C3orf70: variants seen among roughly 807,000 people sequenced by gnomAD.
C3orf70 encodes the protein chromosome 3 open reading frame 70.
In C3orf70, 15 loss-of-function variants were observed where a neutral mutation model predicts 20.7. The observed-to-expected ratio is 0.72, with a 90% CI of 0.48 to 1.11. C3orf70 has a LOEUF of 1.11. Among genes scored for constraint, C3orf70 ranks in the 50% most tolerant of loss-of-function variants. C3orf70 has a pLI of 0.00. For synonymous variants in C3orf70, 161 were observed against 125.7 expected (o/e 1.28, Z -1.88); for missense variants, 332 against 317.6 (o/e 1.05, Z -0.34).
intron 1 of C3orf70, among the ~76,000 whole-genome samples, chr3:185,128,527 A>G (rs539042390): frequency 2.4e-3 from 267 of 111,988 alleles, no homozygotes; most frequent in African/African-American, 9.0e-3. Flanking sequence ...ACTGTTTCGG[A>G]AAAAAAAAAA....
At chr3:185,130,948 C>T (rs909370268) in intron 1 of C3orf70, among the ~76,000 whole-genome samples, 1 of 152,220 alleles carries the variant, frequency 6.6e-6, no homozygotes, top group Non-Finnish European at 1.5e-5. Flanking sequence ...TTTTTATGGA[C>T]ATATGTTTCA....
intron 1 of C3orf70, among the ~76,000 whole-genome samples, chr3:185,105,510 T>C (rs993148975): frequency 6.6e-6 from 1 of 152,248 alleles, no homozygotes; most frequent in East Asian, 1.9e-4. Flanking sequence ...AGGGATACTT[T>C]CAGTTAAGTT....
intron 1 of C3orf70, among the ~76,000 whole-genome samples, chr3:185,126,532 G>T (rs1250321856): frequency 6.6e-6 from 1 of 152,062 alleles, no homozygotes; most frequent in East Asian, 1.9e-4. Flanking sequence ...AAATACGTGA[G>T]AAATAATATA....
chr3:185,098,589 T>C (rs574852124), intron 1 of C3orf70, among the ~76,000 whole-genome samples: 50 of 152,284 alleles, frequency 3.3e-4, no homozygotes, highest in Non-Finnish European at 8.8e-5. Flanking sequence ...GCAGAAAGCA[T>C]CTCCCTTTAC....
intron 1 of C3orf70, among the ~76,000 whole-genome samples, chr3:185,127,006 A>G (rs887156102): frequency 3.3e-5 from 5 of 152,216 alleles, no homozygotes; most frequent in Non-Finnish European, 5.9e-5. Flanking sequence ...CTGTCTCAGC[A>G]AAGATCTCCA....
At position 185,083,543 on chromosome 3, in the gene C3orf70, T is replaced by C. The variant is rs771820809; in HGVS notation, c.217A>G (p.Met73Val). ...CTTGGAAGCTGTTCCACAGGGGTCATAGGCTGATACATGTATTTGCCTGTG... is the reference window on the plus strand; with the variant it reads ...CTTGGAAGCTGTTCCACAGGGGTCACAGGCTGATACATGTATTTGCCTGTG... ...WCHCKYMYQP[M>V]TPVEQLPSTE... is the part of the protein sequence containing the mutation. Residue 73 changes from methionine (M) to valine (V), a missense_variant, in exon 2 of 2, where the codon ATG becomes GTG. Transcript: ENST00000335012. 10 of 1,603,052 alleles carry C rather than the reference T, an allele frequency of 6.2e-6. No homozygotes were observed. In the South Asian group the frequency reaches 7.9e-5, roughly 13 times the overall value.
chr3:185,127,196 T>G (rs1046070725), intron 1 of C3orf70, among the ~76,000 whole-genome samples: 13 of 152,146 alleles, frequency 8.5e-5, no homozygotes, highest in African/African-American at 2.9e-4. Context: ...AAAAAACTAA[T>G]TCATTTTGAC....
intron 1 of C3orf70, among the ~76,000 whole-genome samples, chr3:185,125,161 C>T (rs963446942): frequency 6.6e-6 from 1 of 152,056 alleles, no homozygotes; most frequent in Non-Finnish European, 1.5e-5. Context: ...GGGTGGATCA[C>T]CTGAGGTCGG....
At position 185,080,991 on chromosome 3, in the gene C3orf70, G is replaced by T. The variant is rs1252271734; in HGVS notation, c.*2016C>A. Reference sequence around the variant, plus strand: ...GCCTTCTAAACCATATAGATGTCTTGGCCATCTAAACCTAAAAAAAAGTTC... The same window carrying T: ...GCCTTCTAAACCATATAGATGTCTTTGCCATCTAAACCTAAAAAAAAGTTC... On this transcript the variant is annotated 3_prime_UTR_variant, in exon 2 of 2. Coordinates refer to ENST00000335012, the MANE Select transcript of C3orf70 (RefSeq NM_001025266.3). 2 of 151,910 alleles carry T rather than the reference G, an allele frequency of 1.3e-5. No homozygotes were observed. Among genetic ancestry groups the T allele is most frequent in the Non-Finnish European group, 2.9e-5 (2 of 67,996 alleles). 9.4% of individuals were successfully genotyped at this position (151,910 alleles called of 1,614,324 possible).
At chr3:185,109,590 A>T (rs368692587) in intron 1 of C3orf70, among the ~76,000 whole-genome samples, 12 of 152,314 alleles carry the variant, frequency 7.9e-5, no homozygotes, top group African/African-American at 2.4e-4. Context: ...GGAAAGGGGG[A>T]CAGTCAGTCA....
At chr3:185,126,248 G>A (rs973729212) in intron 1 of C3orf70, among the ~76,000 whole-genome samples, 3 of 152,094 alleles carry the variant, frequency 2.0e-5, no homozygotes, top group South Asian at 2.1e-4. Context: ...AGTATCAAAC[G>A]ATATAGTGTC....
Position 185,078,313 on chromosome 3 carries a change from G to A in C3orf70, c.*4694C>T, listed in dbSNP as rs1351410538. 1.3e-5 allele frequency: 2 copies of A among 152,576 alleles called. No individual in the cohort carries two copies. The highest frequency in any genetic ancestry group is 4.8e-5 in the African/African-American group (2 of 41,456). The allele number at this position is 152,576 out of a possible 1,614,324, so 9.5% of individuals were successfully genotyped here. On this transcript the variant is annotated 3_prime_UTR_variant, in exon 2 of 2. Transcript: ENST00000335012. The stretch of plus-strand genomic sequence containing the variant: ...TCAATATTAAAGCCGCTAGTGATAA[G>A]TCGCTTTGAGAAGTGTTCAGGCTAC...
chr3:185,126,870 A>G (rs1304848352), intron 1 of C3orf70, among the ~76,000 whole-genome samples: 1 of 152,182 alleles, frequency 6.6e-6, no homozygotes, highest in Non-Finnish European at 1.5e-5. Flanking sequence ...GACAAATTTT[A>G]AACATGCAAG....
Position 185,083,435 on chromosome 3 carries a change from C to G in C3orf70, c.325G>C (p.Ala109Pro). The G allele has an allele frequency of 6.2e-7, 1 of 1,614,044 alleles. No homozygotes were observed. The highest frequency in any genetic ancestry group is 8.5e-7 in the Non-Finnish European group (1 of 1,180,016). ...GGAAGGGGAGGCTGGAAGACAGATG[C>G]AAATTTCAAAAAGTGTTCGGTGAGC... is the stretch of plus-strand genomic sequence containing the variant. ...VSLTEHFLKF[A>P]SVFQPPLPPD... The change falls in exon 2 of 2, where the codon GCA becomes CCA. Residue 109 changes from alanine (A) to proline (P), a missense_variant. Physicochemically the swap from Ala to Pro is conservative, Grantham distance 27. Transcript: ENST00000335012.
intron 1 of C3orf70, among the ~76,000 whole-genome samples, chr3:185,149,504 T>G (rs1716946824): frequency 6.6e-6 from 1 of 152,142 alleles, no homozygotes; most frequent in Non-Finnish European, 1.5e-5. Flanking sequence ...TGTATTCATA[T>G]TTTTATTCTG....
intron 1 of C3orf70, among the ~76,000 whole-genome samples, chr3:185,130,887 T>C (rs772386923): frequency 1.3e-5 from 2 of 152,250 alleles, no homozygotes; most frequent in Non-Finnish European, 2.9e-5. Flanking sequence ...GGGTTCTTTC[T>C]ACTTTTTGGC....
intron 1 of C3orf70, among the ~76,000 whole-genome samples, chr3:185,090,857 T>C (rs1029493093): frequency 2.6e-5 from 4 of 152,220 alleles, no homozygotes; most frequent in African/African-American, 4.8e-5. Context: ...AAAGTTTGCA[T>C]ATTTCCCAAC....
intron 1 of C3orf70, among the ~76,000 whole-genome samples, chr3:185,088,203 G>A (rs1201765575): frequency 1.3e-5 from 2 of 152,172 alleles, no homozygotes; most frequent in Non-Finnish European, 2.9e-5. Flanking sequence ...GAGCCACTGT[G>A]CCCGGCTATA....
intron 1 of C3orf70, among the ~76,000 whole-genome samples, chr3:185,089,185 A>T (rs1013859767): frequency 6.6e-5 from 10 of 151,826 alleles, no homozygotes; most frequent in Admixed American, 3.9e-4. Flanking sequence ...ATATTTGGAG[A>T]CTTTTTTCCT....
Sources: gnomAD v4.1 joint callset for allele counts (sites outside exome capture counted in the v4.1 genomes callset) on GRCh38, gnomAD v4.1.1 for gene constraint, MANE v1.5 for transcripts, NCBI Gene and HGNC (gene_info 2026-07-23, HGNC 2026-07-21) for gene names.